The following JARID2 variants were observed in gnomAD, a reference collection of about 807,000 sequenced individuals.
The protein encoded by JARID2 is protein Jumonji.
JARID2 carries 21 observed loss-of-function variants against 125.6 expected under a neutral mutation model. The observed-to-expected ratio is 0.17, with a 90% CI of 0.12 to 0.24. JARID2 has a LOEUF of 0.24. Ranked by LOEUF, JARID2 falls within the 10% of genes least tolerant of loss-of-function variation. The pLI is 1.00. For missense variants in JARID2, 1,303 were observed against 1,639.6 expected, an observed-to-expected ratio of 0.79 and a Z score of 3.55; for synonymous variants, 736 against 661.6, an observed-to-expected ratio of 1.11 and a Z score of -1.73.
chr6:15,379,968 G>C (rs1184385107), intron 2 of JARID2, among the ~76,000 whole-genome samples: 1 of 151,332 alleles, frequency 6.6e-6, no homozygotes, highest in African/African-American at 2.4e-5. Context: ...TTTGTAGGAA[G>C]ACTTTACTTT....
chr6:15,263,068 GTGTGTTTGT>G (rs1759944560), intron 1 of JARID2, among the ~76,000 whole-genome samples: 3 of 119,712 alleles, frequency 2.5e-5, no homozygotes, highest in African/African-American at 1.2e-4. Flanking sequence ...TTTGGAGGGT[GTGTGTTTGT>G]GTGTGTGTGT....
Position 15,508,472 on chromosome 6 carries a change from G to A in JARID2, c.2846+18G>A, listed in dbSNP as rs1182321324. 1.5e-6 allele frequency: 2 copies of A among 1,342,822 alleles called. No homozygotes were observed. The highest frequency in any genetic ancestry group is 2.1e-6 in the Non-Finnish European group (2 of 932,678). The allele number at this position is 1,342,822 out of a possible 1,614,324, so 83.2% of individuals were successfully genotyped here. ...TGCATTTGGTGAGTACTGGCCCCAG[G>A]CGGGAAGGGAGGGACTGCAGAAACT... On this transcript the variant is annotated intron_variant, in intron 12 of 17. Transcript: ENST00000341776.
At chr6:15,318,536 C>T (rs1762251713) in intron 1 of JARID2, among the ~76,000 whole-genome samples, 1 of 152,124 alleles carries the variant, frequency 6.6e-6, no homozygotes, top group Non-Finnish European at 1.5e-5. Context: ...CCTTTGCAGC[C>T]CCACAACTGT....
Position 15,433,410 on chromosome 6 carries a change from C to CTGTGTGTGTGTGTGTGTG in JARID2, c.324-18572_324-18555dup, listed in dbSNP as rs57296791. 1.1e-3 allele frequency among the ~76,000 whole-genome samples: 158 copies of CTGTGTGTGTGTGTGTGTG among 143,506 alleles called. 1 individual carries two copies. The highest frequency in any genetic ancestry group is 6.4e-4 in the East Asian group (3 of 4,718). 94.1% of individuals were successfully genotyped at this position (143,506 alleles called of 152,430 possible). A position where few individuals can be genotyped will look rare whatever the true frequency, so the allele number is the denominator to read the frequency against. ...CCTCCTCCCCAACCCCCATGTCTCT[C>CTGTGTGTGTGTGTGTGTG]TGTGTGTGTGTGTGTGTGTGTGTGT... On this transcript the variant is annotated intron_variant, in intron 3 of 17. Transcript: ENST00000341776.
At chr6:15,362,906 A>G (rs895256717) in intron 1 of JARID2, among the ~76,000 whole-genome samples, 3 of 152,202 alleles carry the variant, frequency 2.0e-5, no homozygotes, top group Non-Finnish European at 4.4e-5. Context: ...AAATGTCAAC[A>G]ATGAGAAAAA....
intron 1 of JARID2, among the ~76,000 whole-genome samples, chr6:15,263,949 G>A (rs936504597): frequency 6.6e-6 from 1 of 152,070 alleles, no homozygotes; most frequent in South Asian, 2.1e-4. Flanking sequence ...CTGGAGTGCC[G>A]TGACGTGAAC....
Position 15,250,315 on chromosome 6 carries a change from A to G in JARID2, c.45+3731A>G, listed in dbSNP as rs573848323. On this transcript the variant is annotated intron_variant, in intron 1 of 17. Transcript: ENST00000341776. ...AGAACACAAAATATACAGTGGTTGG[A>G]TTTATGAGGTTTTTTGTTTTAAAAC... Among the ~76,000 whole-genome samples the G allele has an allele frequency of 3.9e-5, 6 of 152,336 alleles. No individual in the cohort carries two copies. The South Asian group carries it at 6.2e-4, about 16-fold the overall frequency.
intron 1 of JARID2, among the ~76,000 whole-genome samples, chr6:15,338,074 G>A (rs533821133): frequency 3.3e-5 from 5 of 152,312 alleles, no homozygotes; most frequent in African/African-American, 1.2e-4. Flanking sequence ...GGGAGAAATG[G>A]AGGCGTAGGT....
chr6:15,354,781 C>G (rs12211278), intron 1 of JARID2, among the ~76,000 whole-genome samples: 9 of 152,108 alleles, frequency 5.9e-5, no homozygotes, highest in Non-Finnish European at 8.8e-5. Flanking sequence ...CATAGAATAC[C>G]TACCCCTACA....
intron 3 of JARID2, among the ~76,000 whole-genome samples, chr6:15,413,009 T>TTTTTTG (rs1765961233): frequency 4.6e-5 from 2 of 43,722 alleles, no homozygotes; most frequent in Non-Finnish European, 8.9e-5. Context: ...TGTGTTTTTG[T>TTTTTTG]TTTTTTTTTT....
At chr6:15,473,503 C>T (rs1326697857) in intron 5 of JARID2, among the ~76,000 whole-genome samples, 1 of 80,742 alleles carries the variant, frequency 1.2e-5, no homozygotes, top group Non-Finnish European at 2.1e-5. Context: ...CCCTTGTCTT[C>T]TGATGTGCGT....
At chr6:15,465,335 C>G (rs760979382) in intron 4 of JARID2, among the ~76,000 whole-genome samples, 3 of 152,120 alleles carry the variant, frequency 2.0e-5, no homozygotes, top group Non-Finnish European at 1.5e-5. Context: ...CACCTGTAGT[C>G]CCAGCTACAG....
chr6:15,379,114 A>C (rs1180107863), intron 2 of JARID2, among the ~76,000 whole-genome samples: 1 of 152,170 alleles, frequency 6.6e-6, no homozygotes, highest in African/African-American at 2.4e-5. Context: ...CATGTCATAA[A>C]ATCCATGTTT....
chr6:15,379,379 C>A (rs998184897), intron 2 of JARID2, among the ~76,000 whole-genome samples: 21 of 152,252 alleles, frequency 1.4e-4, no homozygotes, highest in Admixed American at 4.6e-4. Flanking sequence ...TTGACAAAAG[C>A]TTTGGAAAGG....
intron 1 of JARID2, among the ~76,000 whole-genome samples, chr6:15,371,736 G>A (rs13205403): frequency 0.088 from 13,390 of 152,276 alleles, 742 homozygotes; most frequent in Middle Eastern, 0.17. Context: ...ACACGCAGTA[G>A]CAGGTTAGAA....
chr6:15,500,508 T>C (rs1164089956), intron 7 of JARID2, among the ~76,000 whole-genome samples: 1 of 152,070 alleles, frequency 6.6e-6, no homozygotes, highest in African/African-American at 2.4e-5. Context: ...CCCTACCCAC[T>C]CCTCACCAGG....
Position 15,246,435 on chromosome 6 carries a change from C to A in JARID2, c.-105C>A. On this transcript the variant is annotated 5_prime_UTR_variant, in exon 1 of 18. Coordinates refer to ENST00000341776, the MANE Select transcript of JARID2 (RefSeq NM_004973.4). ...AAAGTCGGATTACAAGATCAACCAC[C>A]ACCAACAACAATAAAAACCACCAGG... 1.1e-6 allele frequency: 1 copy of A among 902,180 alleles called. No homozygotes were observed. The highest frequency in any genetic ancestry group is 1.8e-6 in the Non-Finnish European group (1 of 558,928). 55.9% of individuals were successfully genotyped at this position (902,180 alleles called of 1,614,324 possible). A position where few individuals can be genotyped will look rare whatever the true frequency, so the allele number is the denominator to read the frequency against.
intron 1 of JARID2, among the ~76,000 whole-genome samples, chr6:15,345,455 A>G (rs1379934644): frequency 6.6e-6 from 1 of 152,192 alleles, no homozygotes; most frequent in African/African-American, 2.4e-5. Flanking sequence ...TTACTCATTG[A>G]TCTTGGTCTA....
chr6:15,509,489 G>GATCACC, intron 12 of JARID2: 1 of 349,452 alleles, frequency 2.9e-6, no homozygotes, highest in Non-Finnish European at 4.0e-6. Context: ...TGTGTGCCAT[G>GATCACC]GACGGTGATC....
Sources: allele counts gnomAD v4.1 joint callset (sites outside exome capture counted in the v4.1 genomes callset), GRCh38; gene constraint gnomAD v4.1.1; transcripts MANE v1.5; gene names NCBI Gene and HGNC (gene_info 2026-07-23, HGNC 2026-07-21).